Variants in PPP3CA observed in about 807,000 individuals in gnomAD.
The protein encoded by PPP3CA is protein phosphatase 3 catalytic subunit alpha.
In PPP3CA, 14 loss-of-function variants were observed where a neutral mutation model predicts 66.5. That is an observed-to-expected ratio of 0.21 (90% CI 0.14 to 0.33). PPP3CA has a LOEUF of 0.33. Ranked by LOEUF, PPP3CA falls within the 10% of genes least tolerant of loss-of-function variation. The probability of loss-of-function intolerance (pLI) is 1.00; values close to 1 mark genes in which losing one functional copy is unlikely to be tolerated. For missense variants in PPP3CA, 317 were observed against 639.5 expected (o/e 0.50, Z 5.44); for synonymous variants, 232 against 226.2 (o/e 1.03, Z -0.23).
chr4:101,027,441 T>C (rs1235332710), intron 13 of PPP3CA, among the ~76,000 whole-genome samples: 2 of 152,134 alleles, frequency 1.3e-5, no homozygotes, highest in African/African-American at 4.8e-5. Flanking sequence ...GTTAGCATAA[T>C]GGTGATTAGT....
chr4:101,075,137 C>T (rs749569946), intron 8 of PPP3CA, among the ~76,000 whole-genome samples: 5 of 152,174 alleles, frequency 3.3e-5, no homozygotes, highest in Non-Finnish European at 1.5e-5. Flanking sequence ...CTCCACCTGG[C>T]CCTGCCCTTG....
At chr4:101,078,527 G>C (rs896387160) in intron 8 of PPP3CA, among the ~76,000 whole-genome samples, 2 of 151,908 alleles carry the variant, frequency 1.3e-5, no homozygotes, top group Admixed American at 1.3e-4. Flanking sequence ...GACTCTCTTT[G>C]TTTACACTTA....
rs114272959 is a variant in PPP3CA, at chr4:101,347,186, C to T, written c.-390G>A. On this transcript the variant is annotated 5_prime_UTR_variant, in exon 1 of 14. Coordinates refer to ENST00000394854, the MANE Select transcript of PPP3CA (RefSeq NM_000944.5). ...GAGACCCAGCACCGCGGAATGGAGC[C>T]CCACGCGCGCACACACGGCCAGGAT... 1,443 of 354,890 alleles carry T rather than the reference C, an allele frequency of 4.1e-3. 16 individuals carry two copies. The highest frequency in any genetic ancestry group is 0.03 in the African/African-American group (1,312 of 44,052). The allele number at this position is 354,890 out of a possible 1,614,324, so 22.0% of individuals were successfully genotyped here.
At chr4:101,108,826 C>A in intron 3 of PPP3CA, 128 bp downstream of exon 3, 2 of 933,658 alleles carry the variant, frequency 2.1e-6, no homozygotes, top group South Asian at 1.8e-5. Context: ...ATGTAATATC[C>A]TATGAATTAA....
chr4:101,253,720 A>T (rs996784184), intron 1 of PPP3CA, among the ~76,000 whole-genome samples: 10 of 152,116 alleles, frequency 6.6e-5, no homozygotes, highest in African/African-American at 2.2e-4. Context: ...GTCATGACTT[A>T]TATAAGAGCT....
chr4:101,291,741 T>A (rs1457456618), intron 1 of PPP3CA, among the ~76,000 whole-genome samples: 25 of 152,116 alleles, frequency 1.6e-4, no homozygotes. Context: ...CAGGAGACAA[T>A]GAGTGTGTGA....
chr4:101,136,754 T>C (rs990045682), intron 2 of PPP3CA, among the ~76,000 whole-genome samples: 1 of 151,952 alleles, frequency 6.6e-6, no homozygotes, highest in Non-Finnish European at 1.5e-5. Context: ...TGTGTGAAAA[T>C]TGGGAAATGC....
intron 11 of PPP3CA, 30 bp downstream of exon 11, chr4:101,040,452 G>T: frequency 6.6e-7 from 1 of 1,504,284 alleles, no homozygotes; most frequent in Non-Finnish European, 9.0e-7. Flanking sequence ...AATACAATTT[G>T]AAACAAAAAC....
At chr4:101,212,482 A>T (rs1447034577) in intron 1 of PPP3CA, among the ~76,000 whole-genome samples, 3 of 152,096 alleles carry the variant, frequency 2.0e-5, no homozygotes, top group Non-Finnish European at 4.4e-5. Context: ...TAGGGGAGGG[A>T]GAGCATCAGG....
chr4:101,319,976 A>G (rs1578662037), intron 1 of PPP3CA, among the ~76,000 whole-genome samples: 1 of 152,272 alleles, frequency 6.6e-6, no homozygotes, highest in East Asian at 1.9e-4. Flanking sequence ...AAGACTATAT[A>G]AGATATTGTG....
chr4:101,308,596 C>T (rs1021916243), intron 1 of PPP3CA, among the ~76,000 whole-genome samples: 2 of 152,072 alleles, frequency 1.3e-5, no homozygotes, highest in Non-Finnish European at 2.9e-5. Flanking sequence ...CAGGCACCCA[C>T]CACCATACCC....
chr4:101,032,896 C>T (rs1357955937), intron 11 of PPP3CA, among the ~76,000 whole-genome samples: 2 of 151,944 alleles, frequency 1.3e-5, no homozygotes, highest in Non-Finnish European at 2.9e-5. Context: ...TTAGATGTTA[C>T]ATGAAAAACA....
At chr4:101,071,045 A>C (rs1268062610) in intron 8 of PPP3CA, among the ~76,000 whole-genome samples, 3 of 152,084 alleles carry the variant, frequency 2.0e-5, no homozygotes, top group Non-Finnish European at 2.9e-5. Flanking sequence ...AAAAACAGAG[A>C]GAGAGAGTCT....
chr4:101,168,059 G>A (rs530596858), intron 2 of PPP3CA, among the ~76,000 whole-genome samples: 3 of 152,276 alleles, frequency 2.0e-5, no homozygotes, highest in South Asian at 2.1e-4. Context: ...GGTTGAGAAT[G>A]GGGGCAGAGG....
chr4:101,255,611 T>C (rs542449774), intron 1 of PPP3CA, among the ~76,000 whole-genome samples: 1 of 151,878 alleles, frequency 6.6e-6, no homozygotes, highest in Non-Finnish European at 1.5e-5. Context: ...AATTCTAACA[T>C]CTTATTGTCA....
chr4:101,310,700 A>G (rs996598837), intron 1 of PPP3CA, among the ~76,000 whole-genome samples: 2 of 152,232 alleles, frequency 1.3e-5, no homozygotes, highest in African/African-American at 4.8e-5. Flanking sequence ...AAGTAAAATT[A>G]AAAATTTGTT....
intron 1 of PPP3CA, among the ~76,000 whole-genome samples, chr4:101,335,786 G>C (rs557029285): frequency 1.2e-4 from 18 of 152,258 alleles, no homozygotes; most frequent in African/African-American, 4.1e-4. Flanking sequence ...CCAAGGAAGA[G>C]AGCACAAGAT....
chr4:101,027,748 C>T (rs1320372278), intron 13 of PPP3CA, among the ~76,000 whole-genome samples: 4 of 151,986 alleles, frequency 2.6e-5, no homozygotes, highest in African/African-American at 7.3e-5. Flanking sequence ...AGTGAAATTT[C>T]TAGGTTTTAA....
chr4:101,270,087 T>C (rs17031085), intron 1 of PPP3CA, among the ~76,000 whole-genome samples: 1,939 of 152,218 alleles, frequency 0.013, 33 homozygotes, highest in African/African-American at 0.043. Flanking sequence ...GCAAACAAGA[T>C]CTTTGAGGAA....
Sources: gnomAD v4.1 joint callset for allele counts (sites outside exome capture counted in the v4.1 genomes callset) on GRCh38, gnomAD v4.1.1 for gene constraint, MANE v1.5 for transcripts, NCBI Gene and HGNC (gene_info 2026-07-23, HGNC 2026-07-21) for gene names.